Variants in HMCN2 observed in about 807,000 individuals in gnomAD.
HMCN2 encodes hemicentin-2.
A neutral mutation model predicts 377.5 loss-of-function variants in HMCN2; 325 were observed. That is an observed-to-expected ratio of 0.86 (90% CI 0.79 to 0.94). The LOEUF (loss-of-function observed/expected upper bound fraction) is 0.94. HMCN2 is among the 40% of genes least tolerant of loss of function. HMCN2 has a pLI of 0.00. For missense variants in HMCN2, 4,543 were observed against 4,725.3 expected (o/e 0.96, Z 1.13); for synonymous variants, 2,007 against 2,046.8 (o/e 0.98, Z 0.53).
At chr9:130,376,261 T>C (rs1841371110) in intron 51 of HMCN2, among the ~76,000 whole-genome samples, 1 of 152,156 alleles carries the variant, frequency 6.6e-6, no homozygotes, top group South Asian at 2.1e-4. Context: ...GCTCTGCAGA[T>C]TGAGACTGGG....
chr9:130,408,778 CT>C lies in HMCN2; in HGVS notation c.12725del (p.Leu4242ArgfsTer5). On this transcript the variant is annotated frameshift_variant, in exon 84 of 98. Transcript: ENST00000683500. LOFTEE classifies it high-confidence loss of function. ...PVLQGEAFSY[L>X]VEPVGGSIQL... ...CCTACAAGGGGAGGCTTTCTCCTACCTGGTGGAACCTGTAGGAGGCAGCATT... is the reference window on the plus strand; with the variant it reads ...CCTACAAGGGGAGGCTTTCTCCTACCGGTGGAACCTGTAGGAGGCAGCATT... 7.8e-7 allele frequency: 1 copy of C among 1,289,458 alleles called. No individual in the cohort carries two copies. The highest frequency in any genetic ancestry group is 1.0e-6 in the Non-Finnish European group (1 of 988,632). 79.9% of individuals were successfully genotyped at this position (1,289,458 alleles called of 1,614,324 possible). A position where few individuals can be genotyped will look rare whatever the true frequency, so the allele number is the denominator to read the frequency against.
At chr9:130,420,065 C>CT (rs10586199) in intron 86 of HMCN2, among the ~76,000 whole-genome samples, 830 of 76,900 alleles carry the variant, frequency 0.011, 12 homozygotes, top group Non-Finnish European at 0.012. Context: ...CGTCCCACTT[C>CT]TTTTTTTTTT....
At chr9:130,337,080 G>A (rs1283054827) in intron 22 of HMCN2, among the ~76,000 whole-genome samples, 12 of 152,268 alleles carry the variant, frequency 7.9e-5, no homozygotes, top group South Asian at 2.1e-4. Flanking sequence ...GTCAGTGGCC[G>A]CAGCTGTCCT....
chr9:130,408,771 C>G lies in HMCN2; in HGVS notation c.12717C>G (p.Phe4239Leu), dbSNP rs1843245653. Residue 4239 changes from phenylalanine to leucine, a missense_variant, in exon 84 of 98, where the codon TTC (phenylalanine) becomes TTG (leucine). By Grantham distance (22) the Phe-to-Leu change is conservative. Transcript: ENST00000683500. ...CTCCTGTCCTACAAGGGGAGGCTTT[C>G]TCCTACCTGGTGGAACCTGTAGGAG... Reference protein sequence around the residue: ...KEAPVLQGEAFSYLVEPVGGS... With the variant: ...KEAPVLQGEALSYLVEPVGGS... The G allele has an allele frequency of 7.8e-7, 1 of 1,289,342 alleles. No homozygotes were observed. Among genetic ancestry groups the G allele is most frequent in the African/African-American group, 1.5e-5 (1 of 65,850 alleles). 79.9% of individuals were successfully genotyped at this position (1,289,342 alleles called of 1,614,324 possible). A position where few individuals can be genotyped will look rare whatever the true frequency, so the allele number is the denominator to read the frequency against.
At chr9:130,311,550 C>T (rs1001635258) in intron 15 of HMCN2, among the ~76,000 whole-genome samples, 6 of 152,140 alleles carry the variant, frequency 3.9e-5, no homozygotes, top group African/African-American at 1.4e-4. Context: ...AATGAGCATG[C>T]ACAGGGCACC....
Position 130,428,336 on chromosome 9 carries a change from G to A in HMCN2, c.14066-22G>A, listed in dbSNP as rs201790753. The A allele has an allele frequency of 3.8e-5, 58 of 1,531,830 alleles. No individual in the cohort carries two copies. In the East Asian group the frequency reaches 7.7e-4, roughly 20 times the overall value. The allele number at this position is 1,531,830 out of a possible 1,614,324, so 94.9% of individuals were successfully genotyped here. ...GCCTGGGGATCATGTTCACACAGCC[G>A]TCTGCCCTGATCTGCCCCCAGATGT... is the stretch of plus-strand genomic sequence containing the variant. On this transcript the variant is annotated intron_variant, in intron 92 of 97. Coordinates refer to ENST00000683500, the MANE Select transcript of HMCN2 (RefSeq NM_001291815.2). The surrounding 1 kb of genome is among the most constrained non-coding windows in gnomAD (Gnocchi z 5.0).
chr9:130,277,974 CATCACCACCACCACG>C (rs1834853363), intron 1 of HMCN2, among the ~76,000 whole-genome samples: 2 of 117,112 alleles, frequency 1.7e-5, no homozygotes. Context: ...CCACCATCAT[CATCACCACCACCACG>C]ATCATCACCA....
At chr9:130,402,747 G>A in intron 77 of HMCN2, 42 bp from the exon 78 acceptor site, 1 of 1,221,358 alleles carries the variant, frequency 8.2e-7, no homozygotes, top group Non-Finnish European at 1.1e-6. Context: ...CCATCCCTGG[G>A]GACCTCTGTC....
intron 22 of HMCN2, among the ~76,000 whole-genome samples, chr9:130,334,154 G>A (rs1278277300): frequency 4.6e-5 from 7 of 152,238 alleles, no homozygotes; most frequent in Non-Finnish European, 5.9e-5. Flanking sequence ...GGAACAGCAT[G>A]TGCCAAGGAG....
At chr9:130,430,669 G>A (rs1237134412) in intron 95 of HMCN2, 65 bp downstream of exon 95, 1 of 1,421,626 alleles carries the variant, frequency 7.0e-7, no homozygotes. Context: ...CCTAGGGTGG[G>A]TGTGCAGGTG....
intron 15 of HMCN2, among the ~76,000 whole-genome samples, chr9:130,312,668 T>G (rs959175388): frequency 1.3e-5 from 2 of 148,148 alleles, no homozygotes; most frequent in Admixed American, 1.4e-4. Context: ...CTTTCTTTCT[T>G]TCTTTCCTTC....
chr9:130,382,336 G>T, intron 55 of HMCN2, 39 bp downstream of exon 55: 6 of 929,244 alleles, frequency 6.5e-6, no homozygotes, highest in Non-Finnish European at 7.7e-6. Flanking sequence ...TCCCGGGACT[G>T]CAAGCGCCGT....
chr9:130,359,401 C>T lies in HMCN2; in HGVS notation c.5760C>T (p.Gly1920=), dbSNP rs1442412467. 8 of 1,301,716 alleles carry T rather than the reference C, an allele frequency of 6.1e-6. No individual in the cohort carries two copies. Among genetic ancestry groups the T allele is most frequent in the Middle Eastern group, 2.2e-4 (1 of 4,640 alleles). 80.6% of individuals were successfully genotyped at this position (1,301,716 alleles called of 1,614,324 possible). A position where few individuals can be genotyped will look rare whatever the true frequency, so the allele number is the denominator to read the frequency against. Residue 1920 remains glycine, a synonymous_variant, in exon 37 of 98, where the codon GGC becomes GGT. Coordinates refer to ENST00000683500, the MANE Select transcript of HMCN2 (RefSeq NM_001291815.2). ...ASVTLECLAS[G]VPPPDVSWFK... ...TGACCTTGGAGTGTCTGGCTTCGGG[C>T]GTGCCCCCTCCTGGTAAGACCCCTC...
intron 62 of HMCN2, among the ~76,000 whole-genome samples, chr9:130,390,273 C>T (rs2131669639): frequency 6.6e-6 from 1 of 151,218 alleles, no homozygotes; most frequent in Non-Finnish European, 1.5e-5. Flanking sequence ...CCCCCAAGTT[C>T]CCCGGCTCCA....
chr9:130,385,633 C>T lies in HMCN2; in HGVS notation c.9180C>T (p.Val3060=), dbSNP rs1430370649. Residue 3060 remains valine (V), a synonymous_variant, in exon 60 of 98, where the codon GTC becomes GTT. Coordinates refer to ENST00000683500, the MANE Select transcript of HMCN2 (RefSeq NM_001291815.2). ...AVLVRVGDKA[V]LSCETDALPE... ...TGGTGAGGGTCGGGGACAAAGCTGTCCTGAGCTGCGAGACAGATGCGCTCC... is the reference window on the plus strand; with the variant it reads ...TGGTGAGGGTCGGGGACAAAGCTGTTCTGAGCTGCGAGACAGATGCGCTCC... The T allele has an allele frequency of 7.7e-7, 1 of 1,304,090 alleles. No homozygotes were observed. Among genetic ancestry groups the T allele is most frequent in the African/African-American group, 1.5e-5 (1 of 65,836 alleles). 80.8% of individuals were successfully genotyped at this position (1,304,090 alleles called of 1,614,324 possible).
At chr9:130,317,517 C>G (rs930506845) in intron 15 of HMCN2, among the ~76,000 whole-genome samples, 1 of 146,990 alleles carries the variant, frequency 6.8e-6, no homozygotes, top group African/African-American at 2.5e-5. Context: ...TTTTTGTAGA[C>G]AGAGTCTTGC....
intron 26 of HMCN2, among the ~76,000 whole-genome samples, chr9:130,348,322 G>A (rs998676342): frequency 6.6e-6 from 1 of 152,238 alleles, no homozygotes; most frequent in African/African-American, 2.4e-5. Flanking sequence ...AGTCAGAAAG[G>A]GTGACACCTG....
chr9:130,433,070 C>G (rs1844859452), intron 97 of HMCN2: 1 of 450,032 alleles, frequency 2.2e-6, no homozygotes, highest in Non-Finnish European at 3.9e-6. Context: ...CATCGCTCCC[C>G]TGTGTCTGCT....
In HMCN2 at chr9:130,278,021, CCACCACGATCAT is replaced by C. The variant is rs1198057497; in HGVS notation, c.260-6575_260-6564del. 1.5e-3 allele frequency among the ~76,000 whole-genome samples: 12 copies of C among 7,842 alleles called. 2 individuals carry two copies. Among genetic ancestry groups the C allele is most frequent in the African/African-American group, 2.6e-3 (3 of 1,146 alleles). 5.1% of individuals were successfully genotyped at this position (7,842 alleles called of 152,430 possible). A position where few individuals can be genotyped will look rare whatever the true frequency, so the allele number is the denominator to read the frequency against. On this transcript the variant is annotated intron_variant, in intron 1 of 97. Coordinates refer to ENST00000683500, the MANE Select transcript of HMCN2 (RefSeq NM_001291815.2). ...ACCACCACCACCATCATCATCACCA[CCACCACGATCAT>C]CACCACCACCATCATCATTACCACC...
Sources: allele counts gnomAD v4.1 joint callset (sites outside exome capture counted in the v4.1 genomes callset), GRCh38; gene constraint gnomAD v4.1.1; non-coding constraint Gnocchi (gnomAD v3.1); transcripts MANE v1.5; gene names NCBI Gene and HGNC (gene_info 2026-07-23, HGNC 2026-07-21).